The following DPYD variants were observed in gnomAD, a reference collection of about 807,000 sequenced individuals.
DPYD encodes dihydropyrimidine dehydrogenase [NADP(+)].
DPYD carries 109 observed loss-of-function variants against 116.2 expected under a neutral mutation model. The ratio of observed to expected loss-of-function variants is 0.94; its 90% CI spans 0.80 to 1.10. DPYD has a LOEUF of 1.10. Ranked by LOEUF, DPYD falls within the 50% of genes least tolerant of loss-of-function variation. The probability of loss-of-function intolerance (pLI) is 0.00; values close to 1 mark genes in which losing one functional copy is unlikely to be tolerated. For synonymous variants in DPYD, 440 were observed against 432.0 expected (o/e 1.02, Z -0.23); for missense variants, 1,302 against 1,254.5 (o/e 1.04, Z -0.57).
intron 18 of DPYD, among the ~76,000 whole-genome samples, chr1:97,237,037 T>TGA (rs1425556642): frequency 6.6e-6 from 1 of 151,900 alleles, no homozygotes; most frequent in Non-Finnish European, 1.5e-5. Flanking sequence ...GCCAACAGTT[T>TGA]GAGACCAGCC....
chr1:97,777,221 A>G (rs1269540068), intron 3 of DPYD, among the ~76,000 whole-genome samples: 1 of 152,198 alleles, frequency 6.6e-6, no homozygotes, highest in Non-Finnish European at 1.5e-5. Context: ...CTTTTAAAAA[A>G]TTAATATACT....
chr1:97,139,340 T>C (rs1327074802), intron 20 of DPYD, among the ~76,000 whole-genome samples: 2 of 152,094 alleles, frequency 1.3e-5, no homozygotes, highest in African/African-American at 4.8e-5. Context: ...TTTGTTCTTC[T>C]GAGAAACAAG....
intron 16 of DPYD, among the ~76,000 whole-genome samples, chr1:97,351,653 C>T (rs1266653463): frequency 6.6e-6 from 1 of 151,856 alleles, no homozygotes; most frequent in African/African-American, 2.4e-5. Flanking sequence ...AAAATAATAA[C>T]TACAACAAAA....
intron 5 of DPYD, chr1:97,720,115 G>C (rs1323790870): frequency 2.0e-6 from 2 of 984,636 alleles, no homozygotes; most frequent in African/African-American, 3.5e-5. Flanking sequence ...AGAGTTTCCA[G>C]AGGAATAATG....
chr1:97,626,976 T>C (rs1390704234), intron 8 of DPYD, among the ~76,000 whole-genome samples: 3 of 152,006 alleles, frequency 2.0e-5, no homozygotes, highest in Non-Finnish European at 4.4e-5. Context: ...CAGCAGAAAC[T>C]CATGTCTCAT....
At chr1:97,179,516 A>G (rs1397555350) in intron 20 of DPYD, among the ~76,000 whole-genome samples, 2 of 152,092 alleles carry the variant, frequency 1.3e-5, no homozygotes, top group East Asian at 3.9e-4. Flanking sequence ...AGACAAACGA[A>G]ATGCTTTAAA....
At chr1:97,649,297 A>T (rs1016242202) in intron 8 of DPYD, among the ~76,000 whole-genome samples, 1 of 152,076 alleles carries the variant, frequency 6.6e-6, no homozygotes, top group African/African-American at 2.4e-5. Context: ...GATCATGACT[A>T]TTTCCATTTA....
chr1:97,870,606 T>C (rs1671609001), intron 2 of DPYD, among the ~76,000 whole-genome samples: 1 of 151,778 alleles, frequency 6.6e-6, no homozygotes, highest in Non-Finnish European at 1.5e-5. Context: ...TACACCACAT[T>C]CCCACCTAAA....
At chr1:97,377,588 A>T (rs1671706114) in intron 15 of DPYD, among the ~76,000 whole-genome samples, 1 of 152,220 alleles carries the variant, frequency 6.6e-6, no homozygotes, top group African/African-American at 2.4e-5. Flanking sequence ...AAATTCTCTG[A>T]ACCACTTTAT....
intron 16 of DPYD, among the ~76,000 whole-genome samples, chr1:97,315,641 C>T (rs896094398): frequency 6.6e-6 from 1 of 151,920 alleles, no homozygotes; most frequent in Admixed American, 6.6e-5. Flanking sequence ...AAGAAAGAAA[C>T]TTGCCCAAGT....
At chr1:97,378,269 C>A (rs1217376809) in intron 15 of DPYD, among the ~76,000 whole-genome samples, 1 of 152,176 alleles carries the variant, frequency 6.6e-6, no homozygotes, top group Non-Finnish European at 1.5e-5. Context: ...TGTTCAGAGA[C>A]TTAACATCCA....
chr1:97,103,201 T>C (rs1386477573), intron 20 of DPYD, among the ~76,000 whole-genome samples: 1 of 152,114 alleles, frequency 6.6e-6, no homozygotes, highest in Non-Finnish European at 1.5e-5. Flanking sequence ...TTCTGTTCTG[T>C]AGTTTCTGAA....
chr1:97,901,696 TACAAA>T (rs1673377103), intron 1 of DPYD, among the ~76,000 whole-genome samples: 2 of 151,820 alleles, frequency 1.3e-5, no homozygotes, highest in Admixed American at 1.3e-4. Context: ...GGTGTCATCT[TACAAA>T]TGACATATAA....
chr1:97,322,243 AT>A (rs535983301), intron 16 of DPYD, among the ~76,000 whole-genome samples: 68 of 149,404 alleles, frequency 4.6e-4, no homozygotes, highest in East Asian at 1.8e-3. Flanking sequence ...ATAAAAAAAA[AT>A]AATAAATAAA....
chr1:97,192,029 C>A (rs1480183401), intron 20 of DPYD, among the ~76,000 whole-genome samples: 5 of 152,030 alleles, frequency 3.3e-5, no homozygotes, highest in African/African-American at 1.2e-4. Context: ...TTTCCTGGAA[C>A]CCACATTGTA....
intron 14 of DPYD, among the ~76,000 whole-genome samples, chr1:97,449,546 T>A (rs1016085599): frequency 1.3e-5 from 2 of 152,146 alleles, no homozygotes; most frequent in Non-Finnish European, 2.9e-5. Context: ...TTTACTGCAA[T>A]ATTTAGGCAT....
chr1:97,896,275 T>C (rs1319808239), intron 1 of DPYD, among the ~76,000 whole-genome samples: 3 of 151,770 alleles, frequency 2.0e-5, no homozygotes, highest in Admixed American at 6.6e-5. Context: ...CAGGAAAATA[T>C]TATCAGATAA....
At chr1:97,135,331 G>T (rs1309060074) in intron 20 of DPYD, among the ~76,000 whole-genome samples, 1 of 152,114 alleles carries the variant, frequency 6.6e-6, no homozygotes, top group Non-Finnish European at 1.5e-5. Flanking sequence ...TTACTGCCAG[G>T]AGCAAAGTGT....
chr1:97,120,901 G>T (rs994227246), intron 20 of DPYD, among the ~76,000 whole-genome samples: 3 of 152,186 alleles, frequency 2.0e-5, no homozygotes, highest in Admixed American at 2.0e-4. Context: ...AAGTGTCTAA[G>T]TATGTATTAA....
Sources: gnomAD v4.1 joint callset for allele counts (sites outside exome capture counted in the v4.1 genomes callset) on GRCh38, gnomAD v4.1.1 for gene constraint, MANE v1.5 for transcripts, NCBI Gene and HGNC (gene_info 2026-07-23, HGNC 2026-07-21) for gene names.